The following WLS variants were observed in gnomAD, a reference collection of about 807,000 sequenced individuals.
The protein encoded by WLS is Wnt ligand secretion mediator.
Under a neutral mutation model 62.8 loss-of-function variants are expected in WLS, and 23 were observed. The observed-to-expected ratio is 0.37, with a 90% CI of 0.26 to 0.52. WLS has a LOEUF of 0.52. Among genes scored for constraint, WLS ranks in the 20% least tolerant of loss-of-function variants. WLS has a pLI of 0.92. For synonymous variants in WLS, 246 were observed against 244.1 expected, an observed-to-expected ratio of 1.01 and a Z score of -0.07; for missense variants, 615 against 697.3, an observed-to-expected ratio of 0.88 and a Z score of 1.33.
chr1:68,138,161 C>G (rs1432438079), intron 10 of WLS: 1 of 546,716 alleles, frequency 1.8e-6, no homozygotes, highest in Non-Finnish European at 3.2e-6. Context: ...CTTACCTTGC[C>G]CACAGATTAG....
At chr1:68,139,845 C>T (rs1646661956) in intron 10 of WLS, among the ~76,000 whole-genome samples, 1 of 152,126 alleles carries the variant, frequency 6.6e-6, no homozygotes. Context: ...AAGAACCACT[C>T]TTAAAAGTAC....
intron 2 of WLS, among the ~76,000 whole-genome samples, chr1:68,188,589 A>G (rs1038210108): frequency 2.0e-5 from 3 of 152,242 alleles, no homozygotes; most frequent in Non-Finnish European, 2.9e-5. Context: ...GACGGGAGAT[A>G]ATATAGAAAA....
chr1:68,173,318 A>T (rs916540465), intron 2 of WLS, among the ~76,000 whole-genome samples: 2 of 152,024 alleles, frequency 1.3e-5, no homozygotes, highest in Non-Finnish European at 2.9e-5. Flanking sequence ...GAAAACACAC[A>T]GTGGGTTTCT....
chr1:68,192,228 C>T (rs1319106297), intron 2 of WLS, among the ~76,000 whole-genome samples: 1 of 152,112 alleles, frequency 6.6e-6, no homozygotes, highest in Non-Finnish European at 1.5e-5. Context: ...TTCAGGTAAG[C>T]TATCAGTCAG....
intron 1 of WLS, among the ~76,000 whole-genome samples, chr1:68,222,656 G>A (rs1344948483): frequency 6.6e-6 from 1 of 151,906 alleles, no homozygotes; most frequent in Non-Finnish European, 1.5e-5. Context: ...GAACTGAATG[G>A]CTTCCCTTTC....
At chr1:68,184,587 C>G (rs922750030) in intron 2 of WLS, among the ~76,000 whole-genome samples, 2 of 152,200 alleles carry the variant, frequency 1.3e-5, no homozygotes, top group Non-Finnish European at 2.9e-5. Flanking sequence ...TTTTCTGACA[C>G]TCTTCTCTGC....
At chr1:68,136,460 C>A (rs894042694) in intron 11 of WLS, among the ~76,000 whole-genome samples, 2 of 152,078 alleles carry the variant, frequency 1.3e-5, no homozygotes, top group Non-Finnish European at 2.9e-5. Context: ...AGATACACTG[C>A]CTAAAGAAAG....
At chr1:68,177,914 A>G (rs1313000701) in intron 2 of WLS, among the ~76,000 whole-genome samples, 3 of 152,190 alleles carry the variant, frequency 2.0e-5, no homozygotes, top group Non-Finnish European at 2.9e-5. Context: ...CTACTATTCT[A>G]TTTTATAAGT....
At chr1:68,114,216 G>A (rs559923289) in intron 11 of WLS, among the ~76,000 whole-genome samples, 9 of 152,310 alleles carry the variant, frequency 5.9e-5, no homozygotes, top group Admixed American at 3.3e-4. Flanking sequence ...CTCAGCTTGG[G>A]ATAGGGTGAG....
intron 1 of WLS, among the ~76,000 whole-genome samples, chr1:68,206,942 C>A (rs1018786155): frequency 2.0e-5 from 3 of 152,190 alleles, no homozygotes; most frequent in African/African-American, 4.8e-5. Flanking sequence ...CCTCCTCCCC[C>A]TCCTTGTCCT....
chr1:68,192,940 C>A (rs138038061), intron 2 of WLS, among the ~76,000 whole-genome samples: 107 of 126,680 alleles, frequency 8.4e-4, no homozygotes, highest in African/African-American at 1.1e-3. Context: ...ACTAAAAATA[C>A]AAAAAAAAAA....
chr1:68,158,982 G>T, intron 3 of WLS, 141 bp downstream of exon 3: 1 of 1,099,652 alleles, frequency 9.1e-7, no homozygotes, highest in Non-Finnish European at 1.3e-6. Flanking sequence ...GAGAGAAGAG[G>T]AAATAAAATG....
At chr1:68,168,461 T>G (rs2566757) in intron 2 of WLS, among the ~76,000 whole-genome samples, 129,806 of 152,112 alleles carry the variant, frequency 0.85, 55,431 homozygotes, top group East Asian at 0.94. Flanking sequence ...ACTCCCTAAG[T>G]CTGTTAACCA....
At chr1:68,185,244 G>A (rs563694537) in intron 2 of WLS, among the ~76,000 whole-genome samples, 26 of 152,302 alleles carry the variant, frequency 1.7e-4, no homozygotes, top group Admixed American at 7.8e-4. Context: ...TTATAAATAC[G>A]CGTTCCCATG....
chr1:68,181,669 C>T (rs575651403), intron 2 of WLS, among the ~76,000 whole-genome samples: 11 of 152,250 alleles, frequency 7.2e-5, no homozygotes, highest in African/African-American at 2.4e-4. Context: ...CTATCTACAC[C>T]ACTGATGTAC....
At chr1:68,141,240 T>G (rs186111834) in intron 10 of WLS, among the ~76,000 whole-genome samples, 139 of 152,212 alleles carry the variant, frequency 9.1e-4, no homozygotes, top group African/African-American at 3.1e-3. Context: ...AGTAACAGAA[T>G]GAAGTGATCA....
At chr1:68,136,557 C>T (rs1014684194) in intron 11 of WLS, among the ~76,000 whole-genome samples, 37 of 152,202 alleles carry the variant, frequency 2.4e-4, no homozygotes, top group Admixed American at 1.5e-3. Flanking sequence ...AATTAATGTA[C>T]TAAAGGCATT....
intron 11 of WLS, among the ~76,000 whole-genome samples, chr1:68,107,513 G>C (rs1646164076): frequency 1.3e-5 from 2 of 152,150 alleles, no homozygotes; most frequent in Non-Finnish European, 2.9e-5. Context: ...CTTTGCCTCA[G>C]TATCCTCATC....
chr1:68,185,618 A>G (rs191949630), intron 2 of WLS, among the ~76,000 whole-genome samples: 160 of 152,274 alleles, frequency 1.1e-3, no homozygotes, highest in Non-Finnish European at 1.0e-3. Context: ...TGAGAATCTA[A>G]TGCCTGATGA....
Sources: allele counts gnomAD v4.1 joint callset (sites outside exome capture counted in the v4.1 genomes callset), GRCh38; gene constraint gnomAD v4.1.1; transcripts MANE v1.5; gene names NCBI Gene and HGNC (gene_info 2026-07-23, HGNC 2026-07-21).